The following UIMC1 variants were observed in gnomAD, a reference collection of about 807,000 sequenced individuals.
UIMC1 encodes the protein ubiquitin interaction motif containing 1.
Under a neutral mutation model 84.9 loss-of-function variants are expected in UIMC1, and 42 were observed. That is an observed-to-expected ratio of 0.49 (90% CI 0.39 to 0.64). The LOEUF is 0.64. UIMC1 is among the 30% of genes least tolerant of loss of function. The probability of loss-of-function intolerance (pLI) is 0.00; values close to 1 mark genes in which losing one functional copy is unlikely to be tolerated. For missense variants in UIMC1, 825 were observed against 847.6 expected, an observed-to-expected ratio of 0.97 and a Z score of 0.33; for synonymous variants, 281 against 293.0, an observed-to-expected ratio of 0.96 and a Z score of 0.42.
chr5:177,007,961 T>C (rs368360685), upstream of UIMC1, among the ~76,000 whole-genome samples: 70 of 152,014 alleles, frequency 4.6e-4, no homozygotes, highest in African/African-American at 1.6e-3. Context: ...AAAAATTAGC[T>C]TGGCGTGGTG....
At position 177,017,128 on chromosome 5, in the gene UIMC1, G is replaced by C. The variant is rs1775690325; in HGVS notation, c.-9+5336C>G. On this transcript the variant is annotated intron_variant, in intron 1 of 5. Transcript: ENST00000509236. ...AAGATGTGCCCCTGGGCCCCTGCTG[G>C]GCTTGGTAGTTCCACAGTTCTCCTC... 2.0e-5 allele frequency among the ~76,000 whole-genome samples: 3 copies of C among 152,308 alleles called. No individual in the cohort carries two copies. The South Asian group carries it at 6.2e-4, about 32-fold the overall frequency.
In UIMC1 at chr5:176,908,558, C is replaced by G. The variant is rs371337363; in HGVS notation, c.1813G>C (p.Glu605Gln). The change falls in exon 12 of 15, where the codon GAG becomes CAG. Residue 605 changes from glutamate to glutamine, a missense_variant. By Grantham distance (29) the Glu-to-Gln change is conservative (BLOSUM62 2). Coordinates refer to ENST00000511320, the MANE Select transcript of UIMC1 (RefSeq NM_001199298.2). The stretch of plus-strand genomic sequence containing the variant: ...TTCAGCCTCTGCTGCCACTTCCCCT[C>G]CACAGTTGAACATGCTCTTCCACTC... ...EGSGRACSTV[E>Q]GKWQQRLKNP... is the part of the protein sequence containing the mutation. 6.1e-5 allele frequency: 98 copies of G among 1,613,968 alleles called. No homozygotes were observed. Among genetic ancestry groups the G allele is most frequent in the Non-Finnish European group, 8.0e-5 (94 of 1,180,002 alleles).
intron 2 of UIMC1, among the ~76,000 whole-genome samples, chr5:176,976,078 C>T (rs932542824): frequency 3.9e-5 from 6 of 152,108 alleles, no homozygotes; most frequent in Admixed American, 6.6e-5. Context: ...GTGGGAGAAT[C>T]GCTTGAGGCC....
chr5:177,003,955 G>C (rs1774907743), intron 1 of UIMC1, among the ~76,000 whole-genome samples: 2 of 152,022 alleles, frequency 1.3e-5, no homozygotes, highest in South Asian at 2.1e-4. Flanking sequence ...GAGCCTCCTG[G>C]GCAGCTGGGA....
chr5:176,999,914 C>T (rs1412023820), intron 1 of UIMC1, among the ~76,000 whole-genome samples: 1 of 152,150 alleles, frequency 6.6e-6, no homozygotes, highest in Non-Finnish European at 1.5e-5. Context: ...TGGATACATA[C>T]CCAGCAGTGG....
chr5:177,021,181 G>T (rs888429415), intron 1 of UIMC1, among the ~76,000 whole-genome samples: 3 of 152,192 alleles, frequency 2.0e-5, no homozygotes, highest in African/African-American at 7.2e-5. Context: ...AGGAGGCTGA[G>T]GCTGGAGAAT....
intron 3 of UIMC1, among the ~76,000 whole-genome samples, chr5:176,974,012 T>TCACACCACTATATTCCAGC (rs1157680886): frequency 1.3e-5 from 2 of 152,136 alleles, no homozygotes; most frequent in Non-Finnish European, 2.9e-5. Context: ...AGTGCTGCAG[T>TCACACCACTATATTCCAGC]CACACCACTA....
intron 10 of UIMC1, among the ~76,000 whole-genome samples, chr5:176,933,700 C>CT (rs748466267): frequency 6.6e-6 from 1 of 151,888 alleles, no homozygotes; most frequent in Non-Finnish European, 1.5e-5. Flanking sequence ...CCACACAAAG[C>CT]TAATTTTTTA....
At chr5:176,911,108 GAGAGAAGAA>G (rs1160916598) in intron 11 of UIMC1, among the ~76,000 whole-genome samples, 194 bp downstream of exon 11, 10 of 111,372 alleles carry the variant, frequency 9.0e-5, no homozygotes, top group African/African-American at 3.0e-4. Context: ...AAAAGAGAGA[GAGAGAAGAA>G]AAGAAAAGAA....
chr5:176,916,995 T>C (rs531045604), intron 10 of UIMC1, among the ~76,000 whole-genome samples: 1 of 152,266 alleles, frequency 6.6e-6, no homozygotes, highest in East Asian at 1.9e-4. Context: ...GACCAGAAAT[T>C]ATATATACAA....
At chr5:176,950,935 ATCAAT>A (rs1765810515) in intron 9 of UIMC1, among the ~76,000 whole-genome samples, 2 of 152,138 alleles carry the variant, frequency 1.3e-5, no homozygotes, top group Admixed American at 1.3e-4. Flanking sequence ...ATGAACCTGT[ATCAAT>A]CAGCTTTATG....
intron 10 of UIMC1, among the ~76,000 whole-genome samples, chr5:176,940,299 A>G (rs1027820437): frequency 6.6e-6 from 1 of 152,186 alleles, no homozygotes; most frequent in African/African-American, 2.4e-5. Context: ...TTTTAGCACC[A>G]ACTAGTGGAA....
At chr5:177,006,783 G>C (rs1332553156), upstream of UIMC1, 3 of 152,324 alleles carry the variant, frequency 2.0e-5, no homozygotes, top group East Asian at 3.9e-4. Flanking sequence ...GGCGGGCGCA[G>C]GCGCAGCGCG....
In UIMC1 at chr5:176,943,330, T is replaced by G. The variant is rs779674163; in HGVS notation, c.1597+5A>C. 2.0e-5 allele frequency: 33 copies of G among 1,613,632 alleles called. No individual in the cohort carries two copies. Among genetic ancestry groups the G allele is most frequent in the Non-Finnish European group, 2.7e-5 (32 of 1,179,856 alleles). On this transcript the variant is annotated splice_donor_5th_base_variant and intron_variant, in intron 10 of 14. Coordinates refer to ENST00000511320, the MANE Select transcript of UIMC1 (RefSeq NM_001199298.2). Reference sequence around the variant, plus strand: ...AAGAGTTTGGCTGTCCTGCTGGGTCTTTACCTGTATCTTCCTCCATCAGAC... The same window carrying G: ...AAGAGTTTGGCTGTCCTGCTGGGTCGTTACCTGTATCTTCCTCCATCAGAC...
chr5:177,012,685 C>A (rs554819973), intron 1 of UIMC1, among the ~76,000 whole-genome samples: 8 of 151,576 alleles, frequency 5.3e-5, no homozygotes, highest in Admixed American at 5.3e-4. Context: ...AGAGCTAGAC[C>A]CTGTCTAAAA....
chr5:177,003,559 A>G (rs1774839713), intron 1 of UIMC1, among the ~76,000 whole-genome samples: 1 of 152,206 alleles, frequency 6.6e-6, no homozygotes, highest in Admixed American at 6.5e-5. Flanking sequence ...AGGCTGAGGC[A>G]GGAGAATCAC....
At chr5:177,019,430 GTT>G (rs1775740472) in intron 1 of UIMC1, among the ~76,000 whole-genome samples, 1 of 152,032 alleles carries the variant, frequency 6.6e-6, no homozygotes, top group Non-Finnish European at 1.5e-5. Context: ...GAGCTCAGGA[GTT>G]TGAGACCAGC....
chr5:176,975,365 C>T (rs370513575), intron 3 of UIMC1, 31 bp downstream of exon 3: 2 of 1,607,960 alleles, frequency 1.2e-6, no homozygotes, highest in Non-Finnish European at 8.5e-7. Flanking sequence ...ATTACAATTC[C>T]CAAACCATTA....
rs1428548492 is a variant in UIMC1 at position 176,908,658 on chromosome 5, T to TG, written c.1712dup (p.Phe572IlefsTer2). On this transcript the variant is annotated frameshift_variant, in exon 12 of 15. Transcript: ENST00000511320. LOFTEE classifies it high-confidence loss of function. ...CCACATGACACTGATACTCTCTAAATGGGACCAGGGATTTACAGAGGTAAC... is the reference window on the plus strand; with the variant it reads ...CCACATGACACTGATACTCTCTAAATGGGGACCAGGGATTTACAGAGGTAAC... 1 of 1,614,020 alleles carries TG rather than the reference T, an allele frequency of 6.2e-7. No homozygotes were observed. The highest frequency in any genetic ancestry group is 8.5e-7 in the Non-Finnish European group (1 of 1,180,006).
Sources: allele counts gnomAD v4.1 joint callset (sites outside exome capture counted in the v4.1 genomes callset), GRCh38; gene constraint gnomAD v4.1.1; transcripts MANE v1.5; gene names NCBI Gene and HGNC (gene_info 2026-07-23, HGNC 2026-07-21).